The following RHOBTB3 variants were observed in gnomAD, a reference collection of about 807,000 sequenced individuals.
RHOBTB3 encodes the protein rho-related BTB domain-containing protein 3.
In RHOBTB3, 47 loss-of-function variants were observed where a neutral mutation model predicts 67.2. The observed-to-expected ratio is 0.70, with a 90% confidence interval of 0.55 to 0.89. The LOEUF is 0.89. Among genes scored for constraint, RHOBTB3 ranks in the 40% least tolerant of loss-of-function variants. The pLI, the probability that RHOBTB3 is intolerant of heterozygous loss-of-function variation, is 0.00. For missense variants in RHOBTB3, 631 were observed against 750.0 expected (o/e 0.84, Z 1.85); for synonymous variants, 273 against 274.2 (o/e 1.00, Z 0.04).
intron 10 of RHOBTB3, 48 bp from the exon 11 acceptor site, chr5:95,788,714 C>A: frequency 8.1e-7 from 1 of 1,227,504 alleles, no homozygotes; most frequent in Non-Finnish European, 1.2e-6. Flanking sequence ...CTTATCATAC[C>A]AGTGGCCATT....
At chr5:95,722,391 C>T (rs534087028) in intron 1 of RHOBTB3, among the ~76,000 whole-genome samples, 128 of 152,162 alleles carry the variant, frequency 8.4e-4, no homozygotes, top group Non-Finnish European at 1.6e-3. Flanking sequence ...GGAAAACTTC[C>T]AAAAAATTAT....
chr5:95,753,331 G>A (rs568016793), intron 5 of RHOBTB3, among the ~76,000 whole-genome samples: 50 of 151,664 alleles, frequency 3.3e-4, no homozygotes, highest in African/African-American at 9.4e-4. Flanking sequence ...TCCACGTGAG[G>A]GATATATGTG....
At chr5:95,729,698 G>A (rs772687227), upstream of RHOBTB3, among the ~76,000 whole-genome samples, 1 of 151,886 alleles carries the variant, frequency 6.6e-6, no homozygotes, top group Non-Finnish European at 1.5e-5. Context: ...CCCAGCCCCT[G>A]GTAACCATGA....
chr5:95,750,208 G>GCAATT (rs1411550498), intron 4 of RHOBTB3, among the ~76,000 whole-genome samples: 1 of 152,198 alleles, frequency 6.6e-6, no homozygotes, highest in Non-Finnish European at 1.5e-5. Context: ...GGTCAGAGTT[G>GCAATT]AAGAGCTGTG....
In RHOBTB3 at chr5:95,765,775, C is replaced by A. The variant is rs998786528; in HGVS notation, c.1161+2155C>A. 1.2e-4 allele frequency among the ~76,000 whole-genome samples: 18 copies of A among 152,346 alleles called. No homozygotes were observed. The East Asian group carries it at 3.3e-3, about 28-fold the overall frequency. On this transcript the variant is annotated intron_variant, in intron 7 of 11. Transcript: ENST00000379982. Reference sequence around the variant, plus strand: ...CTCCCGGGTTCATGCCATTCTCCTGCCTCAGCCTCCCGAGTAGTTGGGACT... The same window carrying A: ...CTCCCGGGTTCATGCCATTCTCCTGACTCAGCCTCCCGAGTAGTTGGGACT...
rs781057052 is a variant in RHOBTB3 at position 95,793,380 on chromosome 5, G to A, written c.*206G>A. 3 of 393,494 alleles carry A rather than the reference G, an allele frequency of 7.6e-6. No individual in the cohort carries two copies. The highest frequency in any genetic ancestry group is 2.1e-5 in the African/African-American group (1 of 48,160). 24.4% of individuals were successfully genotyped at this position (393,494 alleles called of 1,614,324 possible). On this transcript the variant is annotated 3_prime_UTR_variant, in exon 12 of 12. Transcript: ENST00000379982. ...AAATATACCATAGGCTAAAACTAAG[G>A]CTTTCACTCTAGAATGCAAAGCTGT...
chr5:95,728,926 T>A (rs541534820), upstream of RHOBTB3, among the ~76,000 whole-genome samples: 13 of 152,210 alleles, frequency 8.5e-5, no homozygotes, highest in Non-Finnish European at 5.9e-5. Flanking sequence ...TATAATGCAC[T>A]AGCATGCTAA....
chr5:95,762,142 T>C (rs997239646), intron 6 of RHOBTB3, among the ~76,000 whole-genome samples: 6 of 152,206 alleles, frequency 3.9e-5, no homozygotes, highest in African/African-American at 1.4e-4. Context: ...CCTTGTTCTG[T>C]GATGTCATGT....
chr5:95,731,796 C>T (rs1172062915), intron 1 of RHOBTB3, 63 bp from the exon 2 acceptor site: 1 of 1,602,214 alleles, frequency 6.2e-7, no homozygotes. Context: ...ACTTCCTGTT[C>T]CGAGGAGAGA....
At chr5:95,735,735 A>G (rs775429762) in intron 2 of RHOBTB3, among the ~76,000 whole-genome samples, 1 of 152,228 alleles carries the variant, frequency 6.6e-6, no homozygotes, top group Non-Finnish European at 1.5e-5. Context: ...ATTATTTGGT[A>G]GTGGAGTTAA....
At chr5:95,786,159 A>G (rs1340784517) in intron 10 of RHOBTB3, among the ~76,000 whole-genome samples, 1 of 152,226 alleles carries the variant, frequency 6.6e-6, no homozygotes, top group African/African-American at 2.4e-5. Context: ...TCCAGATAAC[A>G]GAAGTTTTCT....
upstream of RHOBTB3, among the ~76,000 whole-genome samples, chr5:95,729,197 A>G (rs1755147055): frequency 6.6e-6 from 1 of 152,196 alleles, no homozygotes; most frequent in Non-Finnish European, 1.5e-5. Flanking sequence ...ACTGGCTTTC[A>G]CTTTATGGAC....
chr5:95,748,768 C>T (rs1381701638), intron 4 of RHOBTB3, among the ~76,000 whole-genome samples: 1 of 152,170 alleles, frequency 6.6e-6, no homozygotes, highest in African/African-American at 2.4e-5. Flanking sequence ...GTTTACTTAA[C>T]CAAACCTGTG....
chr5:95,748,963 A>G (rs756744905), intron 4 of RHOBTB3, among the ~76,000 whole-genome samples: 1 of 152,194 alleles, frequency 6.6e-6, no homozygotes, highest in Non-Finnish European at 1.5e-5. Context: ...ATTCAGAGGA[A>G]CTACTTATAT....
chr5:95,731,915 G>T lies in RHOBTB3; in HGVS notation c.59G>T (p.Arg20Leu). The T allele has an allele frequency of 6.2e-7, 1 of 1,614,094 alleles. No individual in the cohort carries two copies. Among genetic ancestry groups the T allele is most frequent in the Non-Finnish European group, 8.5e-7 (1 of 1,180,012 alleles). ...GGGGACACATTCCACCAGGACAACC[G>T]GCCGTCGGGGCTTATCCGCACTTAC... ...NEGDTFHQDN[R>L]PSGLIRTYLG... The change falls in exon 2 of 12, where the codon CGG (arginine) becomes CTG (leucine). Residue 20 changes from arginine (R) to leucine (L), a missense_variant. By Grantham distance (102) the Arg-to-Leu change is moderately radical. Transcript: ENST00000379982.
chr5:95,790,191 A>G (rs1403961560), intron 11 of RHOBTB3, among the ~76,000 whole-genome samples: 1 of 152,252 alleles, frequency 6.6e-6, no homozygotes, highest in Non-Finnish European at 1.5e-5. Context: ...ACAGTTATTT[A>G]TTAGCTATGT....
At chr5:95,766,042 A>G (rs1378567650) in intron 7 of RHOBTB3, among the ~76,000 whole-genome samples, 1 of 151,894 alleles carries the variant, frequency 6.6e-6, no homozygotes, top group East Asian at 1.9e-4. Flanking sequence ...CATGTGTATG[A>G]CGGTTATGTT....
Position 95,793,482 on chromosome 5 carries a change from A to G in RHOBTB3, c.*308A>G, listed in dbSNP as rs747833098. ...CCCCTCTCAGTTAAGAAATGCTTAG[A>G]TTAAAAAAAAAAAATTACGTAGGAT... On this transcript the variant is annotated 3_prime_UTR_variant, in exon 12 of 12. Transcript: ENST00000379982. The G allele has an allele frequency of 9.7e-5, 20 of 206,160 alleles. No individual in the cohort carries two copies. The highest frequency in any genetic ancestry group is 2.9e-4 in the South Asian group (2 of 6,898). 12.8% of individuals were successfully genotyped at this position (206,160 alleles called of 1,614,324 possible).
chr5:95,751,390 G>A, intron 4 of RHOBTB3: 1 of 151,768 alleles, frequency 6.6e-6, no homozygotes, highest in South Asian at 2.1e-4. Context: ...TGACTTGGAA[G>A]GCTGAGGCGG....
Sources: allele counts gnomAD v4.1 joint callset (sites outside exome capture counted in the v4.1 genomes callset), GRCh38; gene constraint gnomAD v4.1.1; transcripts MANE v1.5; gene names NCBI Gene and HGNC (gene_info 2026-07-23, HGNC 2026-07-21).